TAF4B: variants seen among roughly 807,000 people sequenced by gnomAD.
TAF4B encodes the protein TATA-box binding protein associated factor 4b.
In TAF4B, 38 loss-of-function variants were observed where a neutral mutation model predicts 86.4. The ratio of observed to expected loss-of-function variants is 0.44; its 90% CI spans 0.34 to 0.58. TAF4B has a LOEUF of 0.58. Ranked by LOEUF, TAF4B falls within the 20% of genes least tolerant of loss-of-function variation. The pLI, the probability that TAF4B is intolerant of heterozygous loss-of-function variation, is 0.02. For synonymous variants in TAF4B, 388 were observed against 391.2 expected (o/e 0.99, Z 0.10); for missense variants, 988 against 1,027.6 (o/e 0.96, Z 0.53).
intron 12 of TAF4B, 73 bp downstream of exon 12, chr18:26,327,213 CT>C (rs1459637645): frequency 6.5e-7 from 1 of 1,536,442 alleles, no homozygotes; most frequent in East Asian, 2.3e-5. Context: ...CGTTGGTTGA[CT>C]GTCTTGGTTT....
intron 1 of TAF4B, among the ~76,000 whole-genome samples, chr18:26,248,990 G>A (rs2055963166): frequency 6.6e-6 from 1 of 151,524 alleles, no homozygotes. Flanking sequence ...TGGCCAACAT[G>A]GTGAAACACC....
At position 26,268,611 on chromosome 18, in the gene TAF4B, G is replaced by A. The variant is rs142073648; in HGVS notation, c.597+988G>A. Reference sequence around the variant, plus strand: ...CAATTGGGCAAGGAAATACAAGGAGGCATTTAAGTGAATCACCTGAATCAT... The same window carrying A: ...CAATTGGGCAAGGAAATACAAGGAGACATTTAAGTGAATCACCTGAATCAT... On this transcript the variant is annotated intron_variant, in intron 3 of 14. Transcript: ENST00000269142. 5.4e-3 allele frequency among the ~76,000 whole-genome samples: 815 copies of A among 152,186 alleles called. 1 individual carries two copies. The highest frequency in any genetic ancestry group is 9.7e-3 in the Non-Finnish European group (660 of 68,008).
chr18:26,340,275 A>T (rs2057125988), intron 13 of TAF4B, among the ~76,000 whole-genome samples: 2 of 152,228 alleles, frequency 1.3e-5, no homozygotes, highest in Non-Finnish European at 2.9e-5. Flanking sequence ...ATATTTTTAA[A>T]ATGAAATTTG....
At chr18:26,389,428 G>A (rs1049753688) in intron 14 of TAF4B, among the ~76,000 whole-genome samples, 2 of 151,216 alleles carry the variant, frequency 1.3e-5, no homozygotes, top group Non-Finnish European at 3.0e-5. Context: ...TACATTTAAA[G>A]TCTACATTTG....
At chr18:26,334,938 TC>T (rs2057079020) in intron 12 of TAF4B, among the ~76,000 whole-genome samples, 2 of 152,158 alleles carry the variant, frequency 1.3e-5, no homozygotes, top group South Asian at 2.1e-4. Flanking sequence ...CTGACTGACA[TC>T]GTTAGCATCA....
Position 26,321,053 on chromosome 18 carries a change from T to C in TAF4B, c.2003-17T>C. 6.2e-7 allele frequency: 1 copy of C among 1,613,474 alleles called. No homozygotes were observed. The highest frequency in any genetic ancestry group is 8.5e-7 in the Non-Finnish European group (1 of 1,179,562). ...GCCACTACTAAAACACGTAATGGAT[T>C]TTCTCTGCTTCTGCAGGTAAAAAGC... On this transcript the variant is annotated splice_polypyrimidine_tract_variant and intron_variant, in intron 10 of 14. Coordinates refer to ENST00000269142, the MANE Select transcript of TAF4B (RefSeq NM_005640.3).
chr18:26,374,320 A>G (rs2057427950), intron 14 of TAF4B, among the ~76,000 whole-genome samples: 1 of 152,206 alleles, frequency 6.6e-6, no homozygotes, highest in Admixed American at 6.5e-5. Flanking sequence ...TCAGGCTCCC[A>G]GGAAACAGTT....
intron 1 of TAF4B, among the ~76,000 whole-genome samples, chr18:26,229,509 T>C (rs1323202697): frequency 3.3e-5 from 5 of 149,712 alleles, no homozygotes; most frequent in Non-Finnish European, 5.9e-5. Context: ...TTTTTTTTTT[T>C]TTTCTTTCTC....
Position 26,256,327 on chromosome 18 carries a change from G to A in TAF4B, c.344-8843G>A, listed in dbSNP as rs924488267. 1.4e-5 allele frequency: 20 copies of A among 1,452,640 alleles called. No homozygotes were observed. In the African/African-American group the frequency reaches 2.0e-4, roughly 14 times the overall value. The allele number at this position is 1,452,640 out of a possible 1,614,324, so 90.0% of individuals were successfully genotyped here. The stretch of plus-strand genomic sequence containing the variant: ...CAAATACAGCAGCCCTCTATACTTC[G>A]GTACATCTTTGGCGTGTGAAAACCA... On this transcript the variant is annotated intron_variant, in intron 1 of 14. Coordinates refer to ENST00000269142, the MANE Select transcript of TAF4B (RefSeq NM_005640.3).
rs749841898 is a variant in TAF4B, at chr18:26,315,192, C to CACACACACACAA, written c.1833-36_1833-35insCACACACACAAA. ...ACACACACACACACACACACACACA[C>CACACACACACAA]AACCTAAAATGTATAACTTTTTTTT... On this transcript the variant is annotated intron_variant, in intron 9 of 14. Transcript: ENST00000269142. 19 of 1,333,538 alleles carry CACACACACACAA rather than the reference C, an allele frequency of 1.4e-5. No individual in the cohort carries two copies. The African/African-American group carries it at 2.8e-4, about 20-fold the overall frequency. 82.6% of individuals were successfully genotyped at this position (1,333,538 alleles called of 1,614,324 possible).
At chr18:26,251,522 A>C (rs954717043) in intron 1 of TAF4B, among the ~76,000 whole-genome samples, 1 of 152,200 alleles carries the variant, frequency 6.6e-6, no homozygotes, top group Admixed American at 6.5e-5. Context: ...TATGTAAATC[A>C]TGTACCAAGT....
intron 1 of TAF4B, among the ~76,000 whole-genome samples, chr18:26,263,418 G>A (rs746270279): frequency 3.3e-5 from 5 of 151,898 alleles, no homozygotes; most frequent in Non-Finnish European, 7.4e-5. Flanking sequence ...ATTGTCATTG[G>A]TCATCTTAAT....
chr18:26,267,030 C>G (rs1051033813), intron 2 of TAF4B: 13 of 152,042 alleles, frequency 8.6e-5, no homozygotes, highest in Admixed American at 7.2e-4. Context: ...CAGTGTTTTT[C>G]ATTTTTGTGC....
At chr18:26,279,545 C>CAAAA (rs375937630) in intron 5 of TAF4B, among the ~76,000 whole-genome samples, 3 of 113,540 alleles carry the variant, frequency 2.6e-5, no homozygotes, top group Admixed American at 8.8e-5. Flanking sequence ...CAATTAGAAG[C>CAAAA]AAAAAAAAAA....
At chr18:26,324,906 T>C (rs78698869) in intron 11 of TAF4B, among the ~76,000 whole-genome samples, 6 of 152,360 alleles carry the variant, frequency 3.9e-5, no homozygotes, top group African/African-American at 1.4e-4. Flanking sequence ...GCTTTAGCCC[T>C]GTCCTTATAT....
chr18:26,349,908 G>T (rs577123496), intron 13 of TAF4B, among the ~76,000 whole-genome samples: 4 of 152,224 alleles, frequency 2.6e-5, no homozygotes, highest in Admixed American at 2.6e-4. Flanking sequence ...GTTAATCAAG[G>T]TGTCTACAGC....
rs1402859682 is a variant in TAF4B at position 26,391,515 on chromosome 18, G to T, written c.*1503G>T. 2.6e-5 allele frequency: 4 copies of T among 152,072 alleles called. No homozygotes were observed. The East Asian group carries it at 7.7e-4, about 29-fold the overall frequency. 9.4% of individuals were successfully genotyped at this position (152,072 alleles called of 1,614,324 possible). ...GTAAAATGCTATAAATTATGTGTATGTTAAAGGAGTACTTTAAGAAGAGAT... is the reference window on the plus strand; with the variant it reads ...GTAAAATGCTATAAATTATGTGTATTTTAAAGGAGTACTTTAAGAAGAGAT... On this transcript the variant is annotated 3_prime_UTR_variant, in exon 15 of 15. Coordinates refer to ENST00000269142, the MANE Select transcript of TAF4B (RefSeq NM_005640.3).
intron 7 of TAF4B, among the ~76,000 whole-genome samples, chr18:26,291,384 T>C (rs2056590410): frequency 6.6e-6 from 1 of 151,936 alleles, no homozygotes; most frequent in South Asian, 2.1e-4. Flanking sequence ...GAAAATACTT[T>C]AGACCGGGCG....
At chr18:26,319,373 A>G (rs980112971) in intron 10 of TAF4B, among the ~76,000 whole-genome samples, 6 of 151,632 alleles carry the variant, frequency 4.0e-5, no homozygotes, top group East Asian at 2.0e-4. Context: ...GCGCTTGCCT[A>G]TAAGTAATCC....
Sources: allele counts gnomAD v4.1 joint callset (sites outside exome capture counted in the v4.1 genomes callset), GRCh38; gene constraint gnomAD v4.1.1; transcripts MANE v1.5; gene names NCBI Gene and HGNC (gene_info 2026-07-23, HGNC 2026-07-21).